The following DLX5 variants were observed in gnomAD, a reference collection of about 807,000 sequenced individuals.
DLX5 encodes homeobox protein DLX-5.
Under a neutral mutation model 27.1 loss-of-function variants are expected in DLX5, and 8 were observed. The ratio of observed to expected loss-of-function variants is 0.30; its 90% CI spans 0.17 to 0.53. The LOEUF (loss-of-function observed/expected upper bound fraction) is 0.53, where lower values mean the gene tolerates loss of function less well. DLX5 is among the 20% of genes least tolerant of loss of function. The pLI is 0.95. For synonymous variants in DLX5, 178 were observed against 161.9 expected (o/e 1.10, Z -0.75); for missense variants, 339 against 375.1 (o/e 0.90, Z 0.80).
chr7:97,020,859 C>T lies in DLX5; in HGVS notation c.747G>A (p.Ala249=), dbSNP rs772537977. 1.5e-5 allele frequency: 24 copies of T among 1,614,110 alleles called. No homozygotes were observed. In the South Asian group the frequency reaches 2.6e-4, roughly 18 times the overall value. The part of the protein sequence containing the change: ...AHPPTSNQSP[A]SSYLENSASW... ...ATGCAGAGTTCTCCAGGTAGCTGGACGCTGGGGACTGGTTGGAGGTCGGAG... is the reference window on the plus strand; with the variant it reads ...ATGCAGAGTTCTCCAGGTAGCTGGATGCTGGGGACTGGTTGGAGGTCGGAG... The change falls in exon 3 of 3, where the codon GCG becomes GCA. Residue 249 remains alanine, a synonymous_variant. Coordinates refer to ENST00000648378, the MANE Select transcript of DLX5 (RefSeq NM_005221.6).
At chr7:97,021,824 C>G (rs996280830) in intron 2 of DLX5, among the ~76,000 whole-genome samples, 3 of 152,168 alleles carry the variant, frequency 2.0e-5, no homozygotes, top group East Asian at 1.9e-4. Flanking sequence ...TTGCTCACCC[C>G]CGAGGAGGCT....
Position 97,020,632 on chromosome 7 carries a change from T to C in DLX5, c.*104A>G. Reference sequence around the variant, plus strand: ...AAAAAAAAGCTTTACACATGAATCTTTTTCAGTTTTCCGAACTTCCCCATA... The same window carrying C: ...AAAAAAAAGCTTTACACATGAATCTCTTTCAGTTTTCCGAACTTCCCCATA... On this transcript the variant is annotated 3_prime_UTR_variant, in exon 3 of 3. Transcript: ENST00000648378. The C allele has an allele frequency of 8.4e-7, 1 of 1,188,968 alleles. No individual in the cohort carries two copies. The highest frequency in any genetic ancestry group is 1.1e-6 in the Non-Finnish European group (1 of 882,226). The allele number at this position is 1,188,968 out of a possible 1,614,324, so 73.7% of individuals were successfully genotyped here. A position where few individuals can be genotyped will look rare whatever the true frequency, so the allele number is the denominator to read the frequency against.
In DLX5 at chr7:97,024,469, C is replaced by T; in HGVS notation, c.155G>A (p.Gly52Glu). ...AGAGCAGTAGCCGTGCGGGGCTCCC[C>T]CCGTAGGGCTGTAGTAGTCAGAATC... is the stretch of plus-strand genomic sequence containing the variant. ...ATDSDYYSPT[G>E]GAPHGYCSPT... Residue 52 changes from glycine (G) to glutamate (E), a missense_variant, in exon 1 of 3, where the codon GGG becomes GAG. Around this residue, in one of 3 missense-constraint regions of DLX5, gnomAD observed 188 missense variants for 206.1 expected, o/e 0.91. Transcript: ENST00000648378. The surrounding 1 kb of genome is among the most constrained non-coding windows in gnomAD (Gnocchi z 4.6). 4 of 1,614,014 alleles carry T rather than the reference C, an allele frequency of 2.5e-6. No individual in the cohort carries two copies. Among genetic ancestry groups the T allele is most frequent in the Non-Finnish European group, 3.4e-6 (4 of 1,179,872 alleles).
At chr7:97,022,576 C>A (rs1480679323) in intron 1 of DLX5, 1 of 985,352 alleles carries the variant, frequency 1.0e-6, no homozygotes, top group Non-Finnish European at 1.2e-6. Flanking sequence ...AATTCCTACT[C>A]TGTTCATTCA....
intron 2 of DLX5, chr7:97,021,934 T>A: frequency 1.6e-6 from 1 of 607,250 alleles, no homozygotes; most frequent in Non-Finnish European, 2.9e-6. Flanking sequence ...GCCCCACAGC[T>A]CCGGAGGCCC....
chr7:97,024,141 CCTA>C lies in DLX5; in HGVS notation c.355+125_355+127del. 1.2e-6 allele frequency: 1 copy of C among 826,968 alleles called. No individual in the cohort carries two copies. The highest frequency in any genetic ancestry group is 1.9e-6 in the Non-Finnish European group (1 of 538,262). 51.2% of individuals were successfully genotyped at this position (826,968 alleles called of 1,614,324 possible). On this transcript the variant is annotated intron_variant, in intron 1 of 2. Transcript: ENST00000648378. The surrounding 1 kb of genome is among the most constrained non-coding windows in gnomAD (Gnocchi z 4.6). ...ACTCTCTTTGTTGGAGGGTCTGAGT[CCTA>C]CTCCCTTCTGCCGCGTGCGCCCCCA...
At position 97,024,807 on chromosome 7, in the gene DLX5, C is replaced by T. The variant is rs1455192064; in HGVS notation, c.-184G>A. Reference sequence around the variant, plus strand: ...AGGAGGAGACTGGGAGTCGTGAAGTCTCTGTCTCCGGCCGGCTGACTGCTG... The same window carrying T: ...AGGAGGAGACTGGGAGTCGTGAAGTTTCTGTCTCCGGCCGGCTGACTGCTG... On this transcript the variant is annotated 5_prime_UTR_variant, in exon 1 of 3. Transcript: ENST00000648378. This position sits in a 1 kb window ranked among gnomAD's most constrained non-coding sequence, Gnocchi z 4.6. 1 of 593,402 alleles carries T rather than the reference C, an allele frequency of 1.7e-6. No homozygotes were observed. Among genetic ancestry groups the T allele is most frequent in the Non-Finnish European group, 3.0e-6 (1 of 338,226 alleles). The allele number at this position is 593,402 out of a possible 1,614,324, so 36.8% of individuals were successfully genotyped here. A position where few individuals can be genotyped will look rare whatever the true frequency, so the allele number is the denominator to read the frequency against.
Position 97,024,005 on chromosome 7 carries a change from G to GAGTTT in DLX5, c.355+263_355+264insAAACT, listed in dbSNP as rs1790131201. Among the ~76,000 whole-genome samples, 1 of 152,180 alleles carries GAGTTT rather than the reference G, an allele frequency of 6.6e-6. No homozygotes were observed. The highest frequency in any genetic ancestry group is 1.5e-5 in the Non-Finnish European group (1 of 68,044). On this transcript the variant is annotated intron_variant, in intron 1 of 2. Coordinates refer to ENST00000648378, the MANE Select transcript of DLX5 (RefSeq NM_005221.6). This position sits in a 1 kb window ranked among gnomAD's most constrained non-coding sequence, Gnocchi z 4.6. ...CCTAGCCGGCTTCCTGGCCGGGCAA[G>GAGTTT]CTGGGAATTCAGCGACTGAAGGGCC... is the stretch of plus-strand genomic sequence containing the variant.
chr7:97,020,782 C>A lies in DLX5; in HGVS notation c.824G>T (p.Gly275Val), dbSNP rs762498461. The A allele has an allele frequency of 4.3e-6, 7 of 1,609,876 alleles. No individual in the cohort carries two copies. Among genetic ancestry groups the A allele is most frequent in the Non-Finnish European group, 5.9e-6 (7 of 1,177,048 alleles). ...SSINSHLPPPGSLQHPLALAS... is the reference protein window; with the variant it reads ...SSINSHLPPPVSLQHPLALAS... The stretch of plus-strand genomic sequence containing the variant: ...CAGCGCCAGCGGGTGCTGTAAGGAG[C>A]CCGGCGGCGGCAGGTGGGAATTGAT... The change falls in exon 3 of 3, where the codon GGC becomes GTC. Residue 275 changes from glycine (G) to valine (V), a missense_variant. This residue lies in a region of DLX5 where 136 missense variants were observed against 130.3 expected (regional missense o/e 1.04). Transcript: ENST00000648378.
At chr7:97,021,165 C>G in intron 2 of DLX5, 100 bp from the exon 3 acceptor site, 4 of 1,128,538 alleles carry the variant, frequency 3.5e-6, no homozygotes, top group Non-Finnish European at 5.0e-6. Context: ...CTCTGGGCGG[C>G]CCAGCCCTGC....
rs773469855 is a variant in DLX5 at position 97,024,336 on chromosome 7, G to C, written c.288C>G (p.Ser96Arg). 3 of 1,614,216 alleles carry C rather than the reference G, an allele frequency of 1.9e-6. No individual in the cohort carries two copies. Among genetic ancestry groups the C allele is most frequent in the Non-Finnish European group, 2.5e-6 (3 of 1,180,056 alleles). ...CGTACTGGTGGTAGGAGCTAGCGTA[G>C]CTATAGTCGGCATAAGCTTTGGCTG... ...SYPAKAYADY[S>R]YASSYHQYGG... is the part of the protein sequence containing the mutation. The change falls in exon 1 of 3, where the codon AGC (serine) becomes AGG (arginine). Residue 96 changes from serine to arginine, a missense_variant. Ser to Arg is a moderately radical substitution (Grantham distance 110). Around this residue, in one of 3 missense-constraint regions of DLX5, gnomAD observed 188 missense variants for 206.1 expected, o/e 0.91. Coordinates refer to ENST00000648378, the MANE Select transcript of DLX5 (RefSeq NM_005221.6). The surrounding 1 kb of genome is among the most constrained non-coding windows in gnomAD (Gnocchi z 4.6).
At chr7:97,021,285 A>T (rs974800603) in intron 2 of DLX5, among the ~76,000 whole-genome samples, 2 of 152,144 alleles carry the variant, frequency 1.3e-5, no homozygotes, top group African/African-American at 4.8e-5. Flanking sequence ...GCCCCGGCCC[A>T]GCGAGGCCAC....
Position 97,022,380 on chromosome 7 carries a change from A to G in DLX5, c.356-11T>C. 6.2e-7 allele frequency: 1 copy of G among 1,613,294 alleles called. No individual in the cohort carries two copies. The highest frequency in any genetic ancestry group is 1.3e-5 in the African/African-American group (1 of 75,018). On this transcript the variant is annotated splice_polypyrimidine_tract_variant and intron_variant, in intron 1 of 2. Transcript: ENST00000648378. The stretch of plus-strand genomic sequence containing the variant: ...CGGTCACTTCTTTCTCTAAATAATC[A>G]AAACAGACTCAGTTAAAGCTTGTCA...
intron 2 of DLX5, 102 bp from the exon 3 acceptor site, chr7:97,021,167 C>CA (rs1790048278): frequency 1.8e-6 from 2 of 1,135,516 alleles, no homozygotes; most frequent in Admixed American, 2.6e-5. Context: ...CTGGGCGGCC[C>CA]AGCCCTGCCT....
intron 2 of DLX5, chr7:97,021,952 G>A (rs1047421509): frequency 8.1e-6 from 5 of 614,464 alleles, no homozygotes; most frequent in Non-Finnish European, 1.1e-5. Flanking sequence ...CCCGCTACGG[G>A]GTGGGGGCGG....
In DLX5 at chr7:97,024,102, T is replaced by G. The variant is rs1334920883; in HGVS notation, c.355+167A>C. Among the ~76,000 whole-genome samples the G allele has an allele frequency of 6.6e-6, 1 of 152,136 alleles. No individual in the cohort carries two copies. The highest frequency in any genetic ancestry group is 1.5e-5 in the Non-Finnish European group (1 of 68,030). On this transcript the variant is annotated intron_variant, in intron 1 of 2. Transcript: ENST00000648378. The surrounding 1 kb of genome is among the most constrained non-coding windows in gnomAD (Gnocchi z 4.6). ...GCTCTCCTACTAAAAATCCCTAAAA[T>G]GCTGGCCCGAGAAACTCTCTTTGTT...
chr7:97,024,412 T>C lies in DLX5; in HGVS notation c.212A>G (p.Asn71Ser). 1.9e-6 allele frequency: 3 copies of C among 1,614,078 alleles called. No homozygotes were observed. Among genetic ancestry groups the C allele is most frequent in the South Asian group, 1.1e-5 (1 of 91,076 alleles). Reference sequence around the variant, plus strand: ...GCCGTGATACTGATACTGGTAGGGGTTGAGAGCTTTGCCATAGGAAGCCGA... The same window carrying C: ...GCCGTGATACTGATACTGGTAGGGGCTGAGAGCTTTGCCATAGGAAGCCGA... ...PTSASYGKAL[N>S]PYQYQYHGVN... is the part of the protein sequence containing the mutation. The change falls in exon 1 of 3, where the codon AAC (asparagine) becomes AGC (serine). Residue 71 changes from asparagine to serine, a missense_variant. Asn to Ser is a conservative substitution (Grantham distance 46). This residue lies in a region of DLX5 where 188 missense variants were observed against 206.1 expected (regional missense o/e 0.91). Transcript: ENST00000648378. The surrounding 1 kb of genome is among the most constrained non-coding windows in gnomAD (Gnocchi z 4.6).
chr7:97,022,646 C>T (rs904654208), intron 1 of DLX5: 3 of 973,736 alleles, frequency 3.1e-6, no homozygotes, highest in East Asian at 1.1e-4. Context: ...TGGGATTCAG[C>T]TCTTGCGGTC....
rs939405084 is a variant in DLX5, at chr7:97,020,614, A to C, written c.*122T>G. 2.9e-6 allele frequency: 3 copies of C among 1,031,210 alleles called. No individual in the cohort carries two copies. Among genetic ancestry groups the C allele is most frequent in the East Asian group, 2.8e-5 (1 of 36,184 alleles). 63.9% of individuals were successfully genotyped at this position (1,031,210 alleles called of 1,614,324 possible). ...ATGCAATAACTTACATGCAAAAAAA[A>C]GCTTTACACATGAATCTTTTTCAGT... On this transcript the variant is annotated 3_prime_UTR_variant, in exon 3 of 3. Coordinates refer to ENST00000648378, the MANE Select transcript of DLX5 (RefSeq NM_005221.6).
Sources: allele counts gnomAD v4.1 joint callset (sites outside exome capture counted in the v4.1 genomes callset), GRCh38; gene constraint gnomAD v4.1.1; regional missense constraint gnomAD v4.1.1; non-coding constraint Gnocchi (gnomAD v3.1); transcripts MANE v1.5; gene names NCBI Gene and HGNC (gene_info 2026-07-23, HGNC 2026-07-21).